The following CDH13 variants were observed in gnomAD, a reference collection of about 807,000 sequenced individuals.
The protein encoded by CDH13 is cadherin-13.
In CDH13, 24 loss-of-function variants were observed where a neutral mutation model predicts 63.8. The ratio of observed to expected loss-of-function variants is 0.38; its 90% CI spans 0.27 to 0.53. CDH13 has a LOEUF of 0.53. Ranked by LOEUF, CDH13 falls within the 20% of genes least tolerant of loss-of-function variation. The probability of loss-of-function intolerance (pLI) is 0.85; values close to 1 mark genes in which losing one functional copy is unlikely to be tolerated. For missense variants in CDH13, 1,049 were observed against 903.1 expected, an observed-to-expected ratio of 1.16 and a Z score of -2.07; for synonymous variants, 503 against 355.3, an observed-to-expected ratio of 1.42 and a Z score of -4.67.
chr16:83,065,534 G>A (rs1005421086), intron 3 of CDH13, among the ~76,000 whole-genome samples: 6 of 151,928 alleles, frequency 3.9e-5, no homozygotes, highest in African/African-American at 4.8e-5. Flanking sequence ...CTGAAACCCC[G>A]TCTCTACTAA....
intron 5 of CDH13, among the ~76,000 whole-genome samples, chr16:83,242,772 A>T (rs892761428): frequency 6.6e-6 from 1 of 152,194 alleles, no homozygotes. Context: ...CTGCTTCCAG[A>T]TGCAGCAGGA....
At chr16:83,177,213 C>G (rs778319775) in intron 4 of CDH13, among the ~76,000 whole-genome samples, 17 of 152,178 alleles carry the variant, frequency 1.1e-4, no homozygotes, top group Non-Finnish European at 2.1e-4. Flanking sequence ...CTCAAATACT[C>G]AGATCTTTGC....
intron 1 of CDH13, among the ~76,000 whole-genome samples, chr16:82,635,465 A>G (rs905622187): frequency 6.6e-6 from 1 of 152,200 alleles, no homozygotes; most frequent in Non-Finnish European, 1.5e-5. Flanking sequence ...TGTGGCTGGG[A>G]GGTGCCAGAG....
intron 2 of CDH13, among the ~76,000 whole-genome samples, chr16:83,002,168 A>T (rs1321444690): frequency 6.6e-6 from 1 of 152,190 alleles, no homozygotes; most frequent in African/African-American, 2.4e-5. Context: ...TCTTTGGAAA[A>T]AGGGTCTTTG....
At chr16:83,233,797 T>A (rs1435429794) in intron 5 of CDH13, among the ~76,000 whole-genome samples, 3 of 152,164 alleles carry the variant, frequency 2.0e-5, no homozygotes, top group Non-Finnish European at 4.4e-5. Context: ...TTCACAACAT[T>A]AATCTTCTTT....
chr16:83,382,223 G>A, intron 6 of CDH13, among the ~76,000 whole-genome samples: 1 of 152,178 alleles, frequency 6.6e-6, no homozygotes, highest in East Asian at 1.9e-4. Flanking sequence ...TACTTAGCTT[G>A]CTGCCTGGCA....
chr16:82,933,091 C>T (rs980447107), intron 2 of CDH13, among the ~76,000 whole-genome samples: 3 of 151,988 alleles, frequency 2.0e-5, no homozygotes, highest in Admixed American at 1.3e-4. Flanking sequence ...TCAAATGATT[C>T]AGGGTTGGGG....
chr16:83,630,091 C>G (rs943974002), intron 8 of CDH13, among the ~76,000 whole-genome samples: 6 of 152,188 alleles, frequency 3.9e-5, no homozygotes, highest in African/African-American at 1.4e-4. Flanking sequence ...TCTAGCCTAG[C>G]TTTGAAAACC....
rs1271523842 is a variant in CDH13 at position 83,637,305 on chromosome 16, G to A, written c.1102-33485G>A. On this transcript the variant is annotated intron_variant, in intron 8 of 13. Coordinates refer to ENST00000567109, the MANE Select transcript of CDH13 (RefSeq NM_001257.5). ...ACAGCTCCGGTCTACAGCTCCCAGC[G>A]TGAGCGCTCCCAGCGTGAGCTACGC... is the stretch of plus-strand genomic sequence containing the variant. Among the ~76,000 whole-genome samples the A allele has an allele frequency of 1.1e-3, 6 of 5,570 alleles. 1 individual carries two copies. The highest frequency in any genetic ancestry group is 0.021 in the Non-Finnish European group (1 of 48). The allele number at this position is 5,570 out of a possible 152,430, so 3.7% of individuals were successfully genotyped here.
At chr16:83,091,604 A>G (rs1394129971) in intron 3 of CDH13, among the ~76,000 whole-genome samples, 1 of 152,222 alleles carries the variant, frequency 6.6e-6, no homozygotes, top group Non-Finnish European at 1.5e-5. Flanking sequence ...GTCTTGCACA[A>G]ATTATTTTCT....
chr16:83,444,054 TG>T (rs2072587254), intron 6 of CDH13, among the ~76,000 whole-genome samples: 1 of 149,822 alleles, frequency 6.7e-6, no homozygotes, highest in Non-Finnish European at 1.5e-5. Flanking sequence ...GATGGGCTGA[TG>T]ATGACTGTGA....
At chr16:83,015,673 G>GTGTGTGTGTA (rs1220935113) in intron 2 of CDH13, among the ~76,000 whole-genome samples, 1 of 39,996 alleles carries the variant, frequency 2.5e-5, no homozygotes, top group Non-Finnish European at 5.1e-5. Context: ...GTGTGTGTGT[G>GTGTGTGTGTA]TATGTATATA....
chr16:83,278,777 G>T (rs967129256), intron 5 of CDH13, among the ~76,000 whole-genome samples: 3 of 152,162 alleles, frequency 2.0e-5, no homozygotes. Context: ...CATCTGATTC[G>T]CATTCTGTGA....
chr16:83,134,466 A>C (rs2036188647), intron 4 of CDH13, among the ~76,000 whole-genome samples: 1 of 151,010 alleles, frequency 6.6e-6, no homozygotes, highest in South Asian at 2.1e-4. Flanking sequence ...CTGGGATTAC[A>C]GGCATGAGAT....
At chr16:82,976,295 GA>G in intron 2 of CDH13, among the ~76,000 whole-genome samples, 1 of 152,248 alleles carries the variant, frequency 6.6e-6, no homozygotes, top group East Asian at 1.9e-4. Context: ...AGCCTTCTTT[GA>G]CGTGCCCAGG....
chr16:82,965,877 T>C (rs1392072921), intron 2 of CDH13, among the ~76,000 whole-genome samples: 2 of 152,284 alleles, frequency 1.3e-5, no homozygotes, highest in South Asian at 4.1e-4. Flanking sequence ...ATCACACCCA[T>C]ATGGAGGAGT....
chr16:82,887,199 A>T (rs1463585865), intron 2 of CDH13, among the ~76,000 whole-genome samples: 2 of 152,162 alleles, frequency 1.3e-5, no homozygotes, highest in Non-Finnish European at 2.9e-5. Flanking sequence ...CTTTTACTGT[A>T]AAGGGCCAAA....
chr16:82,967,890 A>C (rs1027467398), intron 2 of CDH13, among the ~76,000 whole-genome samples: 4 of 152,182 alleles, frequency 2.6e-5, no homozygotes, highest in Admixed American at 2.6e-4. Context: ...TCTTGGAAGG[A>C]GATATTTCCA....
At chr16:83,462,093 G>C (rs1036409199) in intron 6 of CDH13, among the ~76,000 whole-genome samples, 3 of 152,224 alleles carry the variant, frequency 2.0e-5, no homozygotes, top group Non-Finnish European at 4.4e-5. Flanking sequence ...CGTTTTAACA[G>C]GGGCCAAGAG....
Sources: allele counts gnomAD v4.1 joint callset (sites outside exome capture counted in the v4.1 genomes callset), GRCh38; gene constraint gnomAD v4.1.1; transcripts MANE v1.5; gene names NCBI Gene and HGNC (gene_info 2026-07-23, HGNC 2026-07-21).